Variants in PFKFB2 observed in about 807,000 individuals in gnomAD.
PFKFB2 encodes 6-phosphofructo-2-kinase/fructose-2,6-bisphosphatase 2.
Under a neutral mutation model 68.0 loss-of-function variants are expected in PFKFB2, and 53 were observed. The observed-to-expected ratio is 0.78, with a 90% confidence interval of 0.63 to 0.98. The LOEUF is 0.98. PFKFB2 is among the 50% of genes least tolerant of loss of function. The pLI is 0.00. For synonymous variants in PFKFB2, 222 were observed against 227.6 expected, an observed-to-expected ratio of 0.98 and a Z score of 0.22; for missense variants, 451 against 642.0, an observed-to-expected ratio of 0.70 and a Z score of 3.22.
intron 2 of PFKFB2, among the ~76,000 whole-genome samples, chr1:207,061,189 A>T (rs1166630064): frequency 5.8e-5 from 5 of 86,616 alleles, no homozygotes; most frequent in South Asian, 3.3e-4. Context: ...ATATATATAT[A>T]TATATATATA....
chr1:207,073,684 T>C lies in PFKFB2; in HGVS notation c.*1313T>C. 2 of 985,138 alleles carry C rather than the reference T, an allele frequency of 2.0e-6. No homozygotes were observed. The highest frequency in any genetic ancestry group is 2.4e-6 in the Non-Finnish European group (2 of 829,650). The allele number at this position is 985,138 out of a possible 1,614,324, so 61.0% of individuals were successfully genotyped here. On this transcript the variant is annotated 3_prime_UTR_variant, in exon 15 of 15. Transcript: ENST00000367080. The stretch of plus-strand genomic sequence containing the variant: ...AACCCTGTGGGATCTAGCTCGTAAC[T>C]GTTTGTATTTCTCTATTCACTTCTG...
intron 2 of PFKFB2, among the ~76,000 whole-genome samples, chr1:207,061,455 CT>C (rs1427581853): frequency 3.0e-4 from 46 of 151,888 alleles, no homozygotes. Flanking sequence ...CCTGCATAAC[CT>C]TTTAACTCTA....
At chr1:207,079,105 G>A (rs1683703204), downstream of PFKFB2, 2 of 1,205,232 alleles carry the variant, frequency 1.7e-6, no homozygotes, top group Non-Finnish European at 2.4e-6. Context: ...GGCTAGAACA[G>A]GAAGTTAAGT....
At chr1:207,050,994 G>A (rs1009770682), upstream of PFKFB2, 3 of 1,531,860 alleles carry the variant, frequency 2.0e-6, no homozygotes, top group African/African-American at 2.8e-5. Flanking sequence ...GGCGCCGGGT[G>A]GACTCCAAAA....
At chr1:207,041,230 ATTT>A (rs750591427) in intron 1 of PFKFB2, among the ~76,000 whole-genome samples, 1 of 142,032 alleles carries the variant, frequency 7.0e-6, no homozygotes. Flanking sequence ...GCCTGGCCAG[ATTT>A]TTTTTTTTTT....
intron 1 of PFKFB2, among the ~76,000 whole-genome samples, chr1:207,035,696 G>A (rs1326205647): frequency 6.6e-6 from 1 of 150,714 alleles, no homozygotes; most frequent in Non-Finnish European, 1.5e-5. Context: ...AAAAAGAAAA[G>A]AGGTTTGTTT....
Position 207,072,392 on chromosome 1 carries a change from TCC to T in PFKFB2, c.*22_*23del, listed in dbSNP as rs1169999309. On this transcript the variant is annotated 3_prime_UTR_variant, in exon 15 of 15. Transcript: ENST00000367080. ...ACTAGCCGAAGACCCAAGTCAGCAT[TCC>T]GGTGGTGTAACTGTGTGTTTCCCTC... The T allele has an allele frequency of 6.2e-7, 1 of 1,609,086 alleles. No homozygotes were observed.
At chr1:207,078,833 G>T, downstream of PFKFB2, 2 of 775,630 alleles carry the variant, frequency 2.6e-6, no homozygotes, top group Non-Finnish European at 4.6e-6. Context: ...GCATGTGTAT[G>T]GATGTGGGGA....
chr1:207,061,186 T>C lies in PFKFB2; in HGVS notation c.86-767T>C, dbSNP rs1386019731. On this transcript the variant is annotated intron_variant, in intron 2 of 14. Coordinates refer to ENST00000367080, the MANE Select transcript of PFKFB2 (RefSeq NM_006212.2). ...ATCTTTATATATATATATATATATATATATATATATATATATTTTAAGAGA... is the reference window on the plus strand; with the variant it reads ...ATCTTTATATATATATATATATATACATATATATATATATATTTTAAGAGA... 2.6e-5 allele frequency among the ~76,000 whole-genome samples: 3 copies of C among 114,750 alleles called. No homozygotes were observed. In the Admixed American group the frequency reaches 2.8e-4, roughly 11 times the overall value. 75.3% of individuals were successfully genotyped at this position (114,750 alleles called of 152,430 possible).
intron 2 of PFKFB2, among the ~76,000 whole-genome samples, chr1:207,058,955 A>T (rs1683006647): frequency 6.6e-6 from 1 of 152,252 alleles, no homozygotes; most frequent in Admixed American, 6.5e-5. Flanking sequence ...GAAATTAATC[A>T]GGTGGCAGTG....
intron 2 of PFKFB2, among the ~76,000 whole-genome samples, chr1:207,056,987 G>A (rs1558057424): frequency 6.6e-6 from 1 of 152,108 alleles, no homozygotes. Flanking sequence ...TTGACTCCGG[G>A]AAGTGACTGG....
In PFKFB2 at chr1:207,072,519, A is replaced by G. The variant is rs1683496410; in HGVS notation, c.*148A>G. The G allele has an allele frequency of 7.0e-7, 1 of 1,428,112 alleles. No individual in the cohort carries two copies. Among genetic ancestry groups the G allele is most frequent in the African/African-American group, 1.4e-5 (1 of 69,342 alleles). 88.5% of individuals were successfully genotyped at this position (1,428,112 alleles called of 1,614,324 possible). ...ACTTCACCATTAATCTTAACACAGA[A>G]CATGAGGTTATGTGTTTATAGGACA... On this transcript the variant is annotated 3_prime_UTR_variant, in exon 15 of 15. Transcript: ENST00000367080.
At chr1:207,050,909 C>A, upstream of PFKFB2, 3 of 1,604,478 alleles carry the variant, frequency 1.9e-6, no homozygotes, top group Non-Finnish European at 2.6e-6. Context: ...GTCGGTCCGG[C>A]TGCCCACAGG....
upstream of PFKFB2, among the ~76,000 whole-genome samples, chr1:207,051,905 A>C (rs886362946): frequency 9.2e-5 from 14 of 152,252 alleles, no homozygotes; most frequent in African/African-American, 3.4e-4. Context: ...AGTTGTATAG[A>C]CATAGAGAGG....
At chr1:207,071,599 A>G in intron 14 of PFKFB2, 26 bp downstream of exon 14, 1 of 1,572,562 alleles carries the variant, frequency 6.4e-7, no homozygotes. Context: ...CGATGAACAC[A>G]CCAGTTTCCC....
downstream of PFKFB2, chr1:207,080,952 A>G (rs1052033342): frequency 6.6e-6 from 1 of 152,214 alleles, no homozygotes; most frequent in Admixed American, 6.5e-5. Flanking sequence ...GATTAATAAA[A>G]TCATGCTAAA....
chr1:207,057,120 G>A (rs1056237145), intron 2 of PFKFB2, among the ~76,000 whole-genome samples: 19 of 151,806 alleles, frequency 1.3e-4, no homozygotes, highest in Admixed American at 7.9e-4. Context: ...GTGCCTTTAC[G>A]GTGCTCAGAG....
chr1:207,067,375 G>A, intron 8 of PFKFB2, 124 bp from the exon 9 acceptor site: 1 of 658,758 alleles, frequency 1.5e-6, no homozygotes, highest in South Asian at 1.9e-5. Context: ...AAACGTGGGT[G>A]TGACAGAGGA....
chr1:207,045,549 A>T (rs1682578774), intron 2 of PFKFB2: 1 of 152,360 alleles, frequency 6.6e-6, no homozygotes, highest in Non-Finnish European at 1.5e-5. Flanking sequence ...GTCTCCACAC[A>T]TGAAAGAACA....
Sources: allele counts gnomAD v4.1 joint callset (sites outside exome capture counted in the v4.1 genomes callset), GRCh38; gene constraint gnomAD v4.1.1; transcripts MANE v1.5; gene names NCBI Gene and HGNC (gene_info 2026-07-23, HGNC 2026-07-21).